ALOX12B: variants seen among roughly 807,000 people sequenced by gnomAD.
The protein encoded by ALOX12B is arachidonate 12-lipoxygenase, 12R-type.
ALOX12B carries 47 observed loss-of-function variants against 78.9 expected under a neutral mutation model. The ratio of observed to expected loss-of-function variants is 0.60; its 90% CI spans 0.47 to 0.76. ALOX12B has a LOEUF of 0.76. ALOX12B is among the 30% of genes least tolerant of loss of function. The probability of loss-of-function intolerance (pLI) is 0.00; values close to 1 mark genes in which losing one functional copy is unlikely to be tolerated. For missense variants in ALOX12B, 805 were observed against 922.6 expected (o/e 0.87, Z 1.65); for synonymous variants, 370 against 374.5 (o/e 0.99, Z 0.14).
At chr17:8,083,532 C>A (rs1282438859) in intron 2 of ALOX12B, among the ~76,000 whole-genome samples, 1 of 151,822 alleles carries the variant, frequency 6.6e-6, no homozygotes, top group South Asian at 2.1e-4. Flanking sequence ...AATTCAAGAC[C>A]AGCCTGACCA....
At chr17:8,073,783 C>T (rs777947596) in intron 12 of ALOX12B, 26 bp from the exon 13 acceptor site, 4 of 1,589,172 alleles carry the variant, frequency 2.5e-6, no homozygotes, top group Admixed American at 1.7e-5. Flanking sequence ...AAAGCCCAGG[C>T]GACATCAGTC....
chr17:8,084,399 C>G lies in ALOX12B; in HGVS notation c.352+1617G>C, dbSNP rs181240058. Among the ~76,000 whole-genome samples, 84 of 152,298 alleles carry G rather than the reference C, an allele frequency of 5.5e-4. 1 individual carries two copies. The highest frequency in any genetic ancestry group is 2.0e-3 in the African/African-American group (83 of 41,556). ...CCCTGGAGTTGTGCAACCCAGAGAC[C>G]TAGCTCGTTTTCATCCCCAGGGCGG... is the stretch of plus-strand genomic sequence containing the variant. On this transcript the variant is annotated intron_variant, in intron 2 of 14. Coordinates refer to ENST00000647874, the MANE Select transcript of ALOX12B (RefSeq NM_001139.3).
At chr17:8,081,548 G>T (rs570774930) in intron 2 of ALOX12B, 32 of 378,272 alleles carry the variant, frequency 8.5e-5, no homozygotes, top group African/African-American at 6.7e-4. Context: ...CCCAAATAAA[G>T]TATATTGTAC....
At chr17:8,074,537 C>T (rs1389510769) in intron 12 of ALOX12B, among the ~76,000 whole-genome samples, 3 of 152,164 alleles carry the variant, frequency 2.0e-5, no homozygotes, top group Middle Eastern at 3.4e-3. Context: ...TTCTCTGTGG[C>T]ATCCCCACAG....
At chr17:8,075,866 G>A in intron 11 of ALOX12B, 150 bp from the exon 12 acceptor site, 1 of 1,356,650 alleles carries the variant, frequency 7.4e-7, no homozygotes, top group Non-Finnish European at 1.0e-6. Flanking sequence ...GGCAGAAGTG[G>A]AGAGGATGGC....
In ALOX12B at chr17:8,073,293, T is replaced by G; in HGVS notation, c.1781A>C (p.Asn594Thr). The G allele has an allele frequency of 1.2e-6, 2 of 1,614,114 alleles. No homozygotes were observed. The highest frequency in any genetic ancestry group is 1.3e-5 in the African/African-American group (1 of 75,014). Residue 594 changes from asparagine (N) to threonine (T), a missense_variant, in exon 14 of 15, where the codon AAC becomes ACC. Physicochemically the swap from Asn to Thr is moderately conservative, Grantham distance 65. Transcript: ENST00000647874. ...GQMEFTAWMP[N>T]FPASMRNPPI... ...TGGATTCCGCATGGACGCTGGGAAG[T>G]TGGGCATCCAGGCGGTGAACTCCAT...
chr17:8,076,438 G>T, intron 10 of ALOX12B, 94 bp from the exon 11 acceptor site: 1 of 1,449,834 alleles, frequency 6.9e-7, no homozygotes. Context: ...TGTAACCCCT[G>T]ACCCAGCCCA....
chr17:8,072,713 T>C lies in ALOX12B; in HGVS notation c.*58A>G. On this transcript the variant is annotated 3_prime_UTR_variant, in exon 15 of 15. Coordinates refer to ENST00000647874, the MANE Select transcript of ALOX12B (RefSeq NM_001139.3). ...TTTTGTGTTTTTTGCTTGTTTGTTT[T>C]GTTTTGTTGAAAATAGTAGGGCACA... The C allele has an allele frequency of 7.5e-6, 12 of 1,606,756 alleles. No individual in the cohort carries two copies. Among genetic ancestry groups the C allele is most frequent in the Non-Finnish European group, 1.0e-5 (12 of 1,173,526 alleles).
At chr17:8,078,287 A>C (rs989144895) in intron 8 of ALOX12B, among the ~76,000 whole-genome samples, 4 of 151,412 alleles carry the variant, frequency 2.6e-5, no homozygotes, top group Non-Finnish European at 5.9e-5. Flanking sequence ...CTGGGACTAC[A>C]GGCGCCGCCC....
At chr17:8,081,302 G>T in intron 2 of ALOX12B, 115 bp from the exon 3 acceptor site, 2 of 1,013,854 alleles carry the variant, frequency 2.0e-6, no homozygotes, top group Middle Eastern at 2.3e-4. Flanking sequence ...CATGACCAAG[G>T]AGTGGGAAGG....
In ALOX12B at chr17:8,072,970, C is replaced by T. The variant is rs758418922; in HGVS notation, c.1927-20G>A. On this transcript the variant is annotated intron_variant, in intron 14 of 14. Coordinates refer to ENST00000647874, the MANE Select transcript of ALOX12B (RefSeq NM_001139.3). ...GGGCCGCTGCGGGCAGAGAGCTCGACAGCTGGGACCAGGGCCGGCCAGCAC... is the reference window on the plus strand; with the variant it reads ...GGGCCGCTGCGGGCAGAGAGCTCGATAGCTGGGACCAGGGCCGGCCAGCAC... 3 of 1,607,166 alleles carry T rather than the reference C, an allele frequency of 1.9e-6. No individual in the cohort carries two copies. The highest frequency in any genetic ancestry group is 4.1e-4 in the Middle Eastern group (2 of 4,878).
At chr17:8,075,908 C>A (rs570087494) in intron 11 of ALOX12B, among the ~76,000 whole-genome samples, 192 bp from the exon 12 acceptor site, 1 of 152,312 alleles carries the variant, frequency 6.6e-6, no homozygotes, top group East Asian at 1.9e-4. Context: ...CAGAGCACTC[C>A]CTTATAAGGG....
Position 8,075,671 on chromosome 17 carries a change from G to C in ALOX12B, c.1578C>G (p.Ala526=). 1 of 1,614,124 alleles carries C rather than the reference G, an allele frequency of 6.2e-7. No homozygotes were observed. The highest frequency in any genetic ancestry group is 1.1e-5 in the South Asian group (1 of 91,084). Residue 526 remains alanine, a synonymous_variant, in exon 12 of 15, where the codon GCC becomes GCG. Transcript: ENST00000647874. ...IITYYYPSDA[A]VEGDPELQSW... is the part of the protein sequence containing the mutation. Reference sequence around the variant, plus strand: ...ACTGCAATTCCGGATCACCCTCCACGGCTGCGTCACTCGGGTAATAATAGG... The same window carrying C: ...ACTGCAATTCCGGATCACCCTCCACCGCTGCGTCACTCGGGTAATAATAGG...
At chr17:8,074,248 C>A (rs910185105) in intron 12 of ALOX12B, among the ~76,000 whole-genome samples, 2 of 152,142 alleles carry the variant, frequency 1.3e-5, no homozygotes, top group African/African-American at 4.8e-5. Flanking sequence ...TCCTGTTGTC[C>A]CGTGTGAACC....
rs149499780 is a variant in ALOX12B at position 8,080,117 on chromosome 17, A to AGG, written c.754+116_754+117dup. 5.4e-6 allele frequency: 8 copies of AGG among 1,468,070 alleles called. No individual in the cohort carries two copies. The highest frequency in any genetic ancestry group is 5.7e-6 in the Non-Finnish European group (6 of 1,049,328). The allele number at this position is 1,468,070 out of a possible 1,614,324, so 90.9% of individuals were successfully genotyped here. A position where few individuals can be genotyped will look rare whatever the true frequency, so the allele number is the denominator to read the frequency against. ...GCGACATTTTCCAAGAAGCCGCCAG[A>AGG]GGGCGCGCGCGCGCCTCGCTGCCTC... On this transcript the variant is annotated intron_variant, in intron 6 of 14. Coordinates refer to ENST00000647874, the MANE Select transcript of ALOX12B (RefSeq NM_001139.3). The surrounding 1 kb of genome is among the most constrained non-coding windows in gnomAD (Gnocchi z 4.8).
At position 8,087,622 on chromosome 17, in the gene ALOX12B, A is replaced by G; in HGVS notation, c.-180T>C. On this transcript the variant is annotated 5_prime_UTR_variant, in exon 1 of 15. Coordinates refer to ENST00000647874, the MANE Select transcript of ALOX12B (RefSeq NM_001139.3). ...AGGCCTGCCAGCCAAATTCTGGAAA[A>G]GCTGCTGCCCTTGGTGGCCGGGGTG... The G allele has an allele frequency of 9.3e-7, 1 of 1,072,764 alleles. No homozygotes were observed. The allele number at this position is 1,072,764 out of a possible 1,614,324, so 66.5% of individuals were successfully genotyped here. A position where few individuals can be genotyped will look rare whatever the true frequency, so the allele number is the denominator to read the frequency against.
At position 8,077,019 on chromosome 17, in the gene ALOX12B, T is replaced by A. The variant is rs143232699; in HGVS notation, c.1246A>T (p.Asn416Tyr). 2 of 1,613,764 alleles carry A rather than the reference T, an allele frequency of 1.2e-6. No homozygotes were observed. The highest frequency in any genetic ancestry group is 2.7e-5 in the African/African-American group (2 of 74,916). ...TAGAGGGGGTGGCACATGGGCAGGT[T>A]CCTCAGCAAGGCCAGGCAGAAGGCC... is the stretch of plus-strand genomic sequence containing the variant. The part of the protein sequence containing the change: ...AEAFCLALLR[N>Y]LPMCHPLYKL... The change falls in exon 9 of 15, where the codon AAC becomes TAC. Residue 416 changes from asparagine to tyrosine, a missense_variant. Coordinates refer to ENST00000647874, the MANE Select transcript of ALOX12B (RefSeq NM_001139.3).
chr17:8,076,877 G>A, intron 9 of ALOX12B, 113 bp downstream of exon 9: 1 of 720,500 alleles, frequency 1.4e-6, no homozygotes, highest in Middle Eastern at 4.9e-4. Context: ...GTGGTCCCCA[G>A]ATGCCCCCCA....
rs201492515 is a variant in ALOX12B, at chr17:8,073,137, C to T, written c.1926+11G>A. ...CTCCCTGTGCTCAGAGTCCCCCATC[C>T]CGTCTCGCACCCTGTCGTCAGGCTC... On this transcript the variant is annotated intron_variant, in intron 14 of 14. Coordinates refer to ENST00000647874, the MANE Select transcript of ALOX12B (RefSeq NM_001139.3). The T allele has an allele frequency of 1.2e-6, 2 of 1,613,948 alleles. No homozygotes were observed. Among genetic ancestry groups the T allele is most frequent in the African/African-American group, 1.3e-5 (1 of 74,934 alleles).
Sources: gnomAD v4.1 joint callset for allele counts (sites outside exome capture counted in the v4.1 genomes callset) on GRCh38, gnomAD v4.1.1 for gene constraint, Gnocchi (gnomAD v3.1) non-coding constraint, MANE v1.5 for transcripts, NCBI Gene and HGNC (gene_info 2026-07-23, HGNC 2026-07-21) for gene names.